The following KERA variants were observed in gnomAD, a reference collection of about 807,000 sequenced individuals.
KERA encodes the protein keratan sulfate proteoglycan keratocan.
Under a neutral mutation model 26.4 loss-of-function variants are expected in KERA, and 25 were observed. The ratio of observed to expected loss-of-function variants is 0.95; its 90% CI spans 0.69 to 1.32. KERA has a LOEUF of 1.32. Ranked by LOEUF, KERA falls within the 40% of genes most tolerant of loss-of-function variation. KERA has a pLI of 0.00. For synonymous variants in KERA, 167 were observed against 146.1 expected (o/e 1.14, Z -1.03); for missense variants, 434 against 408.9 (o/e 1.06, Z -0.53).
At chr12:91,057,487 T>G (rs1418021719) in intron 1 of KERA, among the ~76,000 whole-genome samples, 1 of 150,842 alleles carries the variant, frequency 6.6e-6, no homozygotes, top group African/African-American at 2.4e-5. Flanking sequence ...AAAGTCAACT[T>G]CATTTATGAA....
rs752473364 is a variant in KERA at position 91,055,915 on chromosome 12, ACTT to A, written c.364_366del (p.Lys122del). 3 of 1,611,116 alleles carry A rather than the reference ACTT, an allele frequency of 1.9e-6. No homozygotes were observed. The South Asian group carries it at 3.3e-5, about 18-fold the overall frequency. ...TTATCTTCCAGAAATAAGAAGAGCA[ACTT>A]CTTCAGCTGGCTTAGGGCTCCTTTT... On this transcript the variant is annotated inframe_deletion, in exon 2 of 3. Coordinates refer to ENST00000266719, the MANE Select transcript of KERA (RefSeq NM_007035.4).
Position 91,051,496 on chromosome 12 carries a change from A to T in KERA, c.909T>A (p.Cys303Ter). ...CTGCAGGCAGCATGGATGGGCTGGG[A>T]CATATTACAGAGACATTCACACCTA... ...KIKSVNVSVI[C>*]PSPSMLPAER... is the part of the protein sequence containing the mutation. Residue 303 changes from cysteine to a stop codon, truncating the protein, a stop_gained, in exon 3 of 3, where the codon TGT becomes TGA. Coordinates refer to ENST00000266719, the MANE Select transcript of KERA (RefSeq NM_007035.4). LOFTEE classifies it high-confidence loss of function. 3.1e-6 allele frequency: 5 copies of T among 1,610,052 alleles called. No individual in the cohort carries two copies. Among genetic ancestry groups the T allele is most frequent in the Non-Finnish European group, 4.2e-6 (5 of 1,177,056 alleles).
At chr12:91,057,164 T>C (rs1055373918) in intron 1 of KERA, among the ~76,000 whole-genome samples, 1 of 150,388 alleles carries the variant, frequency 6.6e-6, no homozygotes, top group African/African-American at 2.4e-5. Context: ...ACCAAAAACA[T>C]ATTTAGGATA....
At position 91,055,456 on chromosome 12, in the gene KERA, T is replaced by C; in HGVS notation, c.826A>G (p.Lys276Glu). 2 of 1,610,252 alleles carry C rather than the reference T, an allele frequency of 1.2e-6. No individual in the cohort carries two copies. Among genetic ancestry groups the C allele is most frequent in the East Asian group, 2.2e-5 (1 of 44,784 alleles). ...AGATGAGCACTGATTCGGGGAACCT[T>C]TGTGAGTTGATTGTGCGACAGTTGA... ...DLQLSHNQLT[K>E]VPRISAHLQH... is the part of the protein sequence containing the mutation. Residue 276 changes from lysine to glutamate, a missense_variant, in exon 2 of 3, where the codon AAG (lysine) becomes GAG (glutamate). Transcript: ENST00000266719.
Position 91,050,710 on chromosome 12 carries a change from G to A in KERA, c.*636C>T, listed in dbSNP as rs1272852242. ...AATTTAGAACTTATAAGAATGCAGT[G>A]GACTATATCTAAAAACAACAGCTAC... On this transcript the variant is annotated 3_prime_UTR_variant, in exon 3 of 3. Transcript: ENST00000266719. 6.6e-6 allele frequency: 1 copy of A among 152,048 alleles called. No individual in the cohort carries two copies. The highest frequency in any genetic ancestry group is 1.5e-5 in the Non-Finnish European group (1 of 67,820). 9.4% of individuals were successfully genotyped at this position (152,048 alleles called of 1,614,324 possible). A position where few individuals can be genotyped will look rare whatever the true frequency, so the allele number is the denominator to read the frequency against.
chr12:91,051,588 A>T (rs1878869582), intron 2 of KERA, 70 bp from the exon 3 acceptor site: 1 of 1,121,692 alleles, frequency 8.9e-7, no homozygotes, highest in Non-Finnish European at 1.4e-6. Context: ...AGACCAAAAA[A>T]CTAATGCCAT....
chr12:91,051,374 A>G lies in KERA; in HGVS notation c.1031T>C (p.Phe344Ser). ...PPIPMALMTC[F>S]RLLQAVII ...AATAATGACAGCCTGCAGAAGTCTGAAGCAGGTCATTAAAGCCATTGGAAT... is the reference window on the plus strand; with the variant it reads ...AATAATGACAGCCTGCAGAAGTCTGGAGCAGGTCATTAAAGCCATTGGAAT... Residue 344 changes from phenylalanine to serine, a missense_variant, in exon 3 of 3, where the codon TTC (phenylalanine) becomes TCC (serine). Physicochemically the swap from Phe to Ser is radical, Grantham distance 155. Coordinates refer to ENST00000266719, the MANE Select transcript of KERA (RefSeq NM_007035.4). 6.2e-7 allele frequency: 1 copy of G among 1,611,168 alleles called. No individual in the cohort carries two copies. The highest frequency in any genetic ancestry group is 8.5e-7 in the Non-Finnish European group (1 of 1,178,010).
rs148063461 is a variant in KERA at position 91,051,438 on chromosome 12, G to A, written c.967C>T (p.Arg323Cys). Residue 323 changes from arginine (R) to cysteine (C), a missense_variant, in exon 3 of 3, where the codon CGC becomes TGC. Physicochemically the swap from Arg to Cys is radical, Grantham distance 180. Transcript: ENST00000266719. ...RDSFSYGPHL[R>C]YLRLDGNEIK... Reference sequence around the variant, plus strand: ...TCATTTCCATCCAGACGGAGGTAGCGAAGATGAGGTCCATAACTGAAGGAA... The same window carrying A: ...TCATTTCCATCCAGACGGAGGTAGCAAAGATGAGGTCCATAACTGAAGGAA... 1.2e-5 allele frequency: 19 copies of A among 1,610,734 alleles called. No homozygotes were observed. The highest frequency in any genetic ancestry group is 3.3e-4 in the Middle Eastern group (2 of 6,068).
chr12:91,055,297 G>T (rs1920775), intron 2 of KERA, 99 bp downstream of exon 2: 1 of 1,051,072 alleles, frequency 9.5e-7, no homozygotes, highest in East Asian at 2.4e-5. Context: ...GAACATTAGC[G>T]GGGGAGGGGG....
intron 1 of KERA, 21 bp from the exon 2 acceptor site, chr12:91,056,310 C>G: frequency 6.3e-7 from 1 of 1,584,078 alleles, no homozygotes. Flanking sequence ...AGGAACACAA[C>G]TGTTAGATAT....
chr12:91,051,663 G>A (rs1253577486), intron 2 of KERA, 145 bp from the exon 3 acceptor site: 7 of 669,358 alleles, frequency 1.0e-5, no homozygotes, highest in Non-Finnish European at 1.9e-5. Flanking sequence ...ATTTGTGTCA[G>A]TGAGAAATTG....
chr12:91,052,716 G>A (rs1181789982), intron 2 of KERA, among the ~76,000 whole-genome samples: 1 of 151,346 alleles, frequency 6.6e-6, no homozygotes, highest in Non-Finnish European at 1.5e-5. Context: ...ATAAGGAAAT[G>A]CACACAACTT....
chr12:91,051,282 TG>T lies in KERA; in HGVS notation c.*63del. The T allele has an allele frequency of 7.4e-7, 1 of 1,349,576 alleles. No individual in the cohort carries two copies. The highest frequency in any genetic ancestry group is 1.2e-5 in the South Asian group (1 of 84,520). The allele number at this position is 1,349,576 out of a possible 1,614,324, so 83.6% of individuals were successfully genotyped here. A position where few individuals can be genotyped will look rare whatever the true frequency, so the allele number is the denominator to read the frequency against. On this transcript the variant is annotated 3_prime_UTR_variant, in exon 3 of 3. Coordinates refer to ENST00000266719, the MANE Select transcript of KERA (RefSeq NM_007035.4). ...ATGACTTGTGTCCTAAACCTATTAA[TG>T]GTAACCACATTTCATGTCAGAAACA... is the stretch of plus-strand genomic sequence containing the variant.
intron 2 of KERA, among the ~76,000 whole-genome samples, chr12:91,052,237 T>C (rs768475794): frequency 1.3e-5 from 2 of 151,532 alleles, no homozygotes; most frequent in Non-Finnish European, 3.0e-5. Context: ...CTGCCTTGGA[T>C]CAAAGCCCTT....
intron 2 of KERA, among the ~76,000 whole-genome samples, chr12:91,052,398 T>C (rs1012615732): frequency 6.6e-6 from 1 of 151,572 alleles, no homozygotes; most frequent in South Asian, 2.1e-4. Flanking sequence ...AAACAAGAGA[T>C]CTTCCCTGAT....
In KERA at chr12:91,055,802, C is replaced by T. The variant is rs764113904; in HGVS notation, c.480G>A (p.Gly160=). 9.9e-6 allele frequency: 16 copies of T among 1,611,156 alleles called. No homozygotes were observed. In the South Asian group the frequency reaches 1.6e-4, roughly 17 times the overall value. ...ARNKVSRIPQ[G]TFSNLENLTL... ...TCAGGTTCTCCAGATTGCTAAAGGT[C>T]CCTTGAGGAATTCTGGACACCTTAT... The change falls in exon 2 of 3, where the codon GGG becomes GGA. Residue 160 remains glycine, a synonymous_variant. Transcript: ENST00000266719.
At position 91,056,288 on chromosome 12, in the gene KERA, A is replaced by T; in HGVS notation, c.-7T>A. 1 of 1,606,808 alleles carries T rather than the reference A, an allele frequency of 6.2e-7. No homozygotes were observed. Among genetic ancestry groups the T allele is most frequent in the Non-Finnish European group, 8.5e-7 (1 of 1,175,482 alleles). The stretch of plus-strand genomic sequence containing the variant: ...AACAGATTGTGCCTGCCATTATAGC[A>T]CCTACAGAAAAAGGAACACAACTGT... On this transcript the variant is annotated splice_region_variant and 5_prime_UTR_variant, in exon 2 of 3. Transcript: ENST00000266719.
At chr12:91,055,284 A>G (rs2120960605) in intron 2 of KERA, 112 bp downstream of exon 2, 1 of 965,482 alleles carries the variant, frequency 1.0e-6, no homozygotes, top group South Asian at 1.4e-5. Flanking sequence ...TAAAAATCTA[A>G]AGGAACATTA....
chr12:91,051,228 G>A lies in KERA; in HGVS notation c.*118C>T, dbSNP rs536761110. On this transcript the variant is annotated 3_prime_UTR_variant, in exon 3 of 3. Transcript: ENST00000266719. ...AATAGAAAAAATACACTGCACAAAT[G>A]AAAATGGTGGCCGAGAGCAATGGGG... is the stretch of plus-strand genomic sequence containing the variant. 71 of 832,420 alleles carry A rather than the reference G, an allele frequency of 8.5e-5. 1 individual carries two copies. In the South Asian group the frequency reaches 1.0e-3, roughly 12 times the overall value. 51.6% of individuals were successfully genotyped at this position (832,420 alleles called of 1,614,324 possible).
Sources: gnomAD v4.1 joint callset for allele counts (sites outside exome capture counted in the v4.1 genomes callset) on GRCh38, gnomAD v4.1.1 for gene constraint, MANE v1.5 for transcripts, NCBI Gene and HGNC (gene_info 2026-07-23, HGNC 2026-07-21) for gene names.